ANKRD28: variants seen among roughly 807,000 people sequenced by gnomAD.
ANKRD28 encodes serine/threonine-protein phosphatase 6 regulatory ankyrin repeat subunit A.
In ANKRD28, 44 loss-of-function variants were observed where a neutral mutation model predicts 126.5. The observed-to-expected ratio is 0.35, with a 90% CI of 0.27 to 0.45. The LOEUF (loss-of-function observed/expected upper bound fraction) is 0.45. ANKRD28 is among the 20% of genes least tolerant of loss of function. The pLI, the probability that ANKRD28 is intolerant of heterozygous loss-of-function variation, is 1.00. For missense variants in ANKRD28, 1,110 were observed against 1,316.6 expected (o/e 0.84, Z 2.43); for synonymous variants, 442 against 468.5 (o/e 0.94, Z 0.73).
At chr3:15,791,382 A>T (rs2060017000) in intron 2 of ANKRD28, among the ~76,000 whole-genome samples, 1 of 141,998 alleles carries the variant, frequency 7.0e-6, no homozygotes, top group Non-Finnish European at 1.6e-5. Context: ...GACCTATCGT[A>T]ACCAAAACAG....
intron 1 of ANKRD28, among the ~76,000 whole-genome samples, chr3:15,825,010 C>T (rs2061027741): frequency 6.6e-6 from 1 of 152,088 alleles, no homozygotes; most frequent in South Asian, 2.1e-4. Context: ...TCAAATAAGC[C>T]AACTTGTGTG....
Position 15,846,232 on chromosome 3 carries a change from A to G in ANKRD28, c.27+13145T>C, listed in dbSNP as rs1480396967. ...GTTACTTGAAAGATACAATGGAGGT[A>G]CAGGCATTGGGTAAACGTTCCTGTT... is the stretch of plus-strand genomic sequence containing the variant. On this transcript the variant is annotated intron_variant, in intron 1 of 27. Coordinates refer to the ANKRD28 transcript ENST00000399451. This position sits in a 1 kb window ranked among gnomAD's most constrained non-coding sequence, Gnocchi z 5.4. Among the ~76,000 whole-genome samples the G allele has an allele frequency of 6.6e-6, 1 of 152,258 alleles. No homozygotes were observed. Among genetic ancestry groups the G allele is most frequent in the East Asian group, 1.9e-4 (1 of 5,204 alleles).
intron 2 of ANKRD28, among the ~76,000 whole-genome samples, chr3:15,767,295 G>A (rs961970467): frequency 2.6e-5 from 4 of 151,952 alleles, no homozygotes; most frequent in African/African-American, 9.7e-5. Context: ...GAGTATTACT[G>A]ACTTGGCTGC....
chr3:15,805,487 A>T lies in ANKRD28; in HGVS notation c.28-10181T>A, dbSNP rs180889711. Among the ~76,000 whole-genome samples the T allele has an allele frequency of 9.2e-5, 14 of 152,334 alleles. 1 individual carries two copies. Among genetic ancestry groups the T allele is most frequent in the African/African-American group, 3.4e-4 (14 of 41,578 alleles). The stretch of plus-strand genomic sequence containing the variant: ...ATGTGATGAGTAGTATCTCTGACAT[A>T]TGACTTATGTTCTATCAGGCCAAGG... On this transcript the variant is annotated intron_variant, in intron 1 of 27. Transcript: ENST00000399451.
rs558967579 is a variant in ANKRD28, at chr3:15,854,197, C to A, written c.27+5180G>T. Among the ~76,000 whole-genome samples, 1 of 152,332 alleles carries A rather than the reference C, an allele frequency of 6.6e-6. No homozygotes were observed. The highest frequency in any genetic ancestry group is 2.1e-4 in the South Asian group (1 of 4,832). ...CCCAGCTCAAACGTCCCATCACTTA[C>A]CAATGAAGTCCAAACTTCTCAGCCT... On this transcript the variant is annotated intron_variant, in intron 1 of 27. Coordinates refer to the ANKRD28 transcript ENST00000399451. This position sits in a 1 kb window ranked among gnomAD's most constrained non-coding sequence, Gnocchi z 4.1.
chr3:15,859,368 C>T (rs1304401454), intron 1 of ANKRD28: 6 of 1,528,836 alleles, frequency 3.9e-6, no homozygotes, highest in Admixed American at 4.0e-5. Flanking sequence ...CCTGCAGCCC[C>T]TCACCTACCT....
chr3:15,744,244 C>A (rs2057321204), intron 4 of ANKRD28, among the ~76,000 whole-genome samples: 8 of 152,154 alleles, frequency 5.3e-5, no homozygotes, highest in Admixed American at 5.2e-4. Context: ...GGAATGGCCA[C>A]ATTTTATAGC....
chr3:15,696,313 C>A lies in ANKRD28; in HGVS notation c.1548-68G>T. 4.8e-6 allele frequency: 5 copies of A among 1,044,618 alleles called. No individual in the cohort carries two copies. In the South Asian group the frequency reaches 8.0e-5, roughly 17 times the overall value. 64.7% of individuals were successfully genotyped at this position (1,044,618 alleles called of 1,614,324 possible). On this transcript the variant is annotated intron_variant, in intron 14 of 27. Coordinates refer to ENST00000683139, the MANE Select transcript of ANKRD28 (RefSeq NM_001349278.2). ...CATATTAACCAATGATAAAAAGAGA[C>A]TGAAATTAAAAACTGACAATTTTTC...
At chr3:15,727,315 G>A (rs978399603) in intron 6 of ANKRD28, among the ~76,000 whole-genome samples, 4 of 152,006 alleles carry the variant, frequency 2.6e-5, no homozygotes, top group Admixed American at 2.6e-4. Flanking sequence ...GGTGCCTCAC[G>A]CCTGTAATCC....
intron 1 of ANKRD28, among the ~76,000 whole-genome samples, chr3:15,822,802 A>C (rs974464446): frequency 2.6e-5 from 4 of 152,208 alleles, no homozygotes; most frequent in African/African-American, 9.6e-5. Flanking sequence ...TCTGGAGCTA[A>C]AGAATAAAAT....
Position 15,830,968 on chromosome 3 carries a change from C to T in ANKRD28, c.27+28409G>A, listed in dbSNP as rs925238849. ...TGGCCTTGGTTGGCAATACTCCTTGCGTGTCACCATATATTGTTGCTGGGA... is the reference window on the plus strand; with the variant it reads ...TGGCCTTGGTTGGCAATACTCCTTGTGTGTCACCATATATTGTTGCTGGGA... On this transcript the variant is annotated intron_variant, in intron 1 of 27. Transcript: ENST00000399451. The surrounding 1 kb of genome is among the most constrained non-coding windows in gnomAD (Gnocchi z 4.5). Among the ~76,000 whole-genome samples, 5 of 152,140 alleles carry T rather than the reference C, an allele frequency of 3.3e-5. No homozygotes were observed. Among genetic ancestry groups the T allele is most frequent in the South Asian group, 2.1e-4 (1 of 4,820 alleles).
chr3:15,695,540 A>T (rs1218474728), intron 15 of ANKRD28, among the ~76,000 whole-genome samples: 1 of 152,160 alleles, frequency 6.6e-6, no homozygotes, highest in African/African-American at 2.4e-5. Context: ...GAAGGGAAGC[A>T]AAGTTTAATG....
At position 15,854,847 on chromosome 3, in the gene ANKRD28, G is replaced by A. The variant is rs2061728831; in HGVS notation, c.27+4530C>T. Among the ~76,000 whole-genome samples, 1 of 152,098 alleles carries A rather than the reference G, an allele frequency of 6.6e-6. No homozygotes were observed. Among genetic ancestry groups the A allele is most frequent in the Admixed American group, 6.5e-5 (1 of 15,274 alleles). On this transcript the variant is annotated intron_variant, in intron 1 of 27. Coordinates refer to the ANKRD28 transcript ENST00000399451. This position sits in a 1 kb window ranked among gnomAD's most constrained non-coding sequence, Gnocchi z 4.1. ...GGGTGGATCACAAGGTCACGAGATT[G>A]AGACTATCCTGGCCAACATGGTGAA... is the stretch of plus-strand genomic sequence containing the variant.
intron 2 of ANKRD28, among the ~76,000 whole-genome samples, chr3:15,793,381 A>C (rs1192078714): frequency 5.3e-5 from 8 of 152,222 alleles, no homozygotes; most frequent in African/African-American, 1.9e-4. Flanking sequence ...AGTTGTTGTC[A>C]AAAACCTTTG....
At chr3:15,834,917 G>T (rs1345574342) in intron 1 of ANKRD28, among the ~76,000 whole-genome samples, 1 of 152,192 alleles carries the variant, frequency 6.6e-6, no homozygotes, top group African/African-American at 2.4e-5. Context: ...AAAAACAGGG[G>T]TGGGCAAATC....
At chr3:15,739,056 C>T (rs937729753) in intron 4 of ANKRD28, among the ~76,000 whole-genome samples, 1 of 152,196 alleles carries the variant, frequency 6.6e-6, no homozygotes, top group Non-Finnish European at 1.5e-5. Flanking sequence ...ATGGTTATCT[C>T]CCTTGTTCCC....
At chr3:15,769,732 A>G (rs575234929) in intron 2 of ANKRD28, among the ~76,000 whole-genome samples, 101 of 152,336 alleles carry the variant, frequency 6.6e-4, no homozygotes, top group African/African-American at 2.1e-3. Context: ...TATGTTTATC[A>G]AGGGTAAGCT....
chr3:15,858,748 G>A (rs530594873), intron 1 of ANKRD28, among the ~76,000 whole-genome samples: 79 of 152,274 alleles, frequency 5.2e-4, no homozygotes, highest in African/African-American at 1.8e-3. Flanking sequence ...TTCAGATACA[G>A]TTGCGATTTC....
At chr3:15,713,983 C>T (rs567355968) in intron 9 of ANKRD28, among the ~76,000 whole-genome samples, 3 of 152,340 alleles carry the variant, frequency 2.0e-5, no homozygotes, top group East Asian at 3.9e-4. Context: ...GTCATCAAGA[C>T]TGCATGCAAT....
Sources: gnomAD v4.1 joint callset for allele counts (sites outside exome capture counted in the v4.1 genomes callset) on GRCh38, gnomAD v4.1.1 for gene constraint, Gnocchi (gnomAD v3.1) non-coding constraint, MANE v1.5 for transcripts, NCBI Gene and HGNC (gene_info 2026-07-23, HGNC 2026-07-21) for gene names.